LUZP2: variants seen among roughly 807,000 people sequenced by gnomAD.
LUZP2 encodes leucine zipper protein 2.
A neutral mutation model predicts 51.6 loss-of-function variants in LUZP2; 52 were observed. That is an observed-to-expected ratio of 1.01 (90% confidence interval 0.81 to 1.27). LUZP2 has a LOEUF of 1.27. LUZP2 is among the 50% of genes most tolerant of loss of function. The probability of loss-of-function intolerance (pLI) is 0.00; values close to 1 mark genes in which losing one functional copy is unlikely to be tolerated. For missense variants in LUZP2, 436 were observed against 395.4 expected, an observed-to-expected ratio of 1.10 and a Z score of -0.87; for synonymous variants, 154 against 137.3, an observed-to-expected ratio of 1.12 and a Z score of -0.85.
intron 5 of LUZP2, among the ~76,000 whole-genome samples, chr11:24,800,814 C>T (rs1375823197): frequency 6.6e-6 from 1 of 152,064 alleles, no homozygotes; most frequent in Non-Finnish European, 1.5e-5. Flanking sequence ...CATTTGCTTT[C>T]CCTAGAATTT....
At chr11:25,026,553 A>G (rs1456564862) in intron 9 of LUZP2, among the ~76,000 whole-genome samples, 1 of 152,004 alleles carries the variant, frequency 6.6e-6, no homozygotes, top group Non-Finnish European at 1.5e-5. Flanking sequence ...TTTCTAATTA[A>G]TTTTTACAAA....
chr11:24,999,643 G>A (rs1214308904), intron 9 of LUZP2, among the ~76,000 whole-genome samples: 1 of 152,124 alleles, frequency 6.6e-6, no homozygotes, highest in Non-Finnish European at 1.5e-5. Flanking sequence ...GAGATTACAG[G>A]TGTGAGCCTC....
intron 1 of LUZP2, among the ~76,000 whole-genome samples, chr11:24,613,337 C>T (rs566469133): frequency 3.2e-4 from 42 of 132,656 alleles, no homozygotes; most frequent in African/African-American, 1.2e-3. Context: ...CACACACACA[C>T]TCTCATGCAC....
Position 24,873,516 on chromosome 11 carries a change from G to C in LUZP2, c.397-32475G>C, listed in dbSNP as rs139064686. Among the ~76,000 whole-genome samples the C allele has an allele frequency of 3.7e-3, 561 of 152,192 alleles. 6 individuals carry two copies. Among genetic ancestry groups the C allele is most frequent in the African/African-American group, 0.012 (516 of 41,530 alleles). ...ATGACTTTCCTCCCTTTTTCCTTCAGATAACCCTTTGACTTCAGATATTAT... is the reference window on the plus strand; with the variant it reads ...ATGACTTTCCTCCCTTTTTCCTTCACATAACCCTTTGACTTCAGATATTAT... On this transcript the variant is annotated intron_variant, in intron 5 of 11. Coordinates refer to ENST00000336930, the MANE Select transcript of LUZP2 (RefSeq NM_001009909.4).
chr11:24,961,100 T>C, intron 7 of LUZP2, among the ~76,000 whole-genome samples: 1 of 152,230 alleles, frequency 6.6e-6, no homozygotes, highest in Non-Finnish European at 1.5e-5. Context: ...GATTGCACTG[T>C]GGTCAGAGAG....
chr11:24,661,990 G>T (rs1040314135), intron 1 of LUZP2, among the ~76,000 whole-genome samples: 2 of 152,064 alleles, frequency 1.3e-5, no homozygotes, highest in African/African-American at 4.8e-5. Context: ...AACTTAGGCA[G>T]ATTTTCCACA....
At chr11:24,574,131 TTC>T (rs970038963) in intron 1 of LUZP2, among the ~76,000 whole-genome samples, 4 of 151,160 alleles carry the variant, frequency 2.6e-5, no homozygotes, top group African/African-American at 7.3e-5. Context: ...TTCCTTTCCT[TTC>T]TCTTTCTTTC....
At chr11:24,668,811 A>G (rs1269551900) in intron 1 of LUZP2, among the ~76,000 whole-genome samples, 1 of 152,230 alleles carries the variant, frequency 6.6e-6, no homozygotes. Context: ...AAAGTAGATT[A>G]GAAGAAAATG....
intron 5 of LUZP2, among the ~76,000 whole-genome samples, chr11:24,903,160 C>T (rs1386989069): frequency 6.6e-6 from 1 of 152,130 alleles, no homozygotes; most frequent in African/African-American, 2.4e-5. Flanking sequence ...AGAGCCAGAA[C>T]ATATCAGTGT....
chr11:24,999,812 A>C (rs1349688060), intron 9 of LUZP2, among the ~76,000 whole-genome samples: 1 of 152,160 alleles, frequency 6.6e-6, no homozygotes. Context: ...GGTCTCACTG[A>C]CTTCAAGAAT....
intron 3 of LUZP2, among the ~76,000 whole-genome samples, chr11:24,734,275 A>C (rs1333166910): frequency 2.0e-5 from 3 of 151,754 alleles, no homozygotes; most frequent in Non-Finnish European, 4.4e-5. Flanking sequence ...CGGCTTATGC[A>C]TGATGTGAAT....
In LUZP2 at chr11:24,726,067, A is replaced by C. The variant is rs557407901; in HGVS notation, c.63-3102A>C. Among the ~76,000 whole-genome samples the C allele has an allele frequency of 3.9e-4, 59 of 152,268 alleles. No individual in the cohort carries two copies. In the South Asian group the frequency reaches 0.012, roughly 30 times the overall value. On this transcript the variant is annotated intron_variant, in intron 1 of 11. Transcript: ENST00000336930. ...TGTGAGACGAAATATCTATTATTTG[A>C]GGTACCCAGTCTTAGTTACTTTGTT...
intron 4 of LUZP2, among the ~76,000 whole-genome samples, chr11:24,760,798 C>G (rs1565122728): frequency 6.6e-6 from 1 of 152,130 alleles, no homozygotes; most frequent in Non-Finnish European, 1.5e-5. Context: ...AAAGAGGAAT[C>G]CATGGATTTT....
intron 1 of LUZP2, among the ~76,000 whole-genome samples, chr11:24,689,865 T>A (rs191691594): frequency 6.6e-6 from 1 of 152,150 alleles, no homozygotes; most frequent in Non-Finnish European, 1.5e-5. Context: ...TCTCTCTGTA[T>A]CCTATGTAGA....
intron 1 of LUZP2, among the ~76,000 whole-genome samples, chr11:24,662,009 A>T (rs1345119672): frequency 1.3e-5 from 2 of 152,118 alleles, no homozygotes; most frequent in African/African-American, 4.8e-5. Flanking sequence ...CAATCACCAG[A>T]TGCATTTGAT....
At chr11:24,885,267 T>C (rs1852633598) in intron 5 of LUZP2, among the ~76,000 whole-genome samples, 4 of 152,156 alleles carry the variant, frequency 2.6e-5, no homozygotes, top group African/African-American at 9.6e-5. Flanking sequence ...CTCTTCTTTA[T>C]GTTTACAAAA....
intron 1 of LUZP2, among the ~76,000 whole-genome samples, chr11:24,621,640 C>T (rs1854498453): frequency 6.6e-6 from 1 of 152,048 alleles, no homozygotes; most frequent in Non-Finnish European, 1.5e-5. Context: ...TTCACTTTAG[C>T]TATTTTCTGT....
At chr11:24,700,543 G>A (rs1279838768) in intron 1 of LUZP2, among the ~76,000 whole-genome samples, 1 of 151,578 alleles carries the variant, frequency 6.6e-6, no homozygotes, top group Non-Finnish European at 1.5e-5. Flanking sequence ...ATGTTCTGCT[G>A]CCATAAGAAT....
intron 1 of LUZP2, among the ~76,000 whole-genome samples, chr11:24,588,526 TA>T (rs1393054888): frequency 6.6e-6 from 1 of 152,164 alleles, no homozygotes; most frequent in Non-Finnish European, 1.5e-5. Context: ...TGTCTGTCTC[TA>T]ATGACCTTGG....
Sources: allele counts gnomAD v4.1 joint callset (sites outside exome capture counted in the v4.1 genomes callset), GRCh38; gene constraint gnomAD v4.1.1; transcripts MANE v1.5; gene names NCBI Gene and HGNC (gene_info 2026-07-23, HGNC 2026-07-21).